The following PPP6R1 variants were observed in gnomAD, a reference collection of about 807,000 sequenced individuals.
PPP6R1 encodes the protein protein phosphatase 6 regulatory subunit 1, also known as serine/threonine-protein phosphatase 6 regulatory subunit 1.
In PPP6R1, 39 loss-of-function variants were observed where a neutral mutation model predicts 104.6. The ratio of observed to expected loss-of-function variants is 0.37; its 90% CI spans 0.29 to 0.49. PPP6R1 has a LOEUF of 0.49. Ranked by LOEUF, PPP6R1 falls within the 20% of genes least tolerant of loss-of-function variation. The pLI, the probability that PPP6R1 is intolerant of heterozygous loss-of-function variation, is 0.98. For synonymous variants in PPP6R1, 549 were observed against 479.0 expected (o/e 1.15, Z -1.91); for missense variants, 1,181 against 1,155.8 (o/e 1.02, Z -0.32).
intron 21 of PPP6R1, 48 bp from the exon 22 acceptor site, chr19:55,230,932 C>G: frequency 7.0e-7 from 1 of 1,431,770 alleles, no homozygotes; most frequent in East Asian, 2.3e-5. Flanking sequence ...CCCACCGTCA[C>G]CTGCTGACAC....
chr19:55,248,572 T>C (rs1018795734), intron 1 of PPP6R1, among the ~76,000 whole-genome samples: 2 of 152,334 alleles, frequency 1.3e-5, no homozygotes, highest in East Asian at 3.9e-4. Context: ...GCACAGATGC[T>C]AGTCCCTCTC....
At chr19:55,228,783 T>A (rs368471055), downstream of PPP6R1, 2 of 1,604,908 alleles carry the variant, frequency 1.2e-6, no homozygotes, top group Non-Finnish European at 1.7e-6. Flanking sequence ...TGGGAGCGAG[T>A]GGCTTCAGGG....
At chr19:55,236,533 G>C in intron 17 of PPP6R1, 110 bp downstream of exon 17, 1 of 1,233,058 alleles carries the variant, frequency 8.1e-7, no homozygotes, top group South Asian at 1.7e-5. Flanking sequence ...ACCAATGCAG[G>C]TTCCTTATTT....
chr19:55,258,257 G>A (rs900339137), intron 1 of PPP6R1, among the ~76,000 whole-genome samples, 178 bp downstream of exon 1: 2 of 152,178 alleles, frequency 1.3e-5, no homozygotes, highest in Non-Finnish European at 2.9e-5. Flanking sequence ...ACTGGGGAGG[G>A]TCGAGGGGGA....
Position 55,246,979 on chromosome 19 carries a change from C to T in PPP6R1, c.125G>A (p.Arg42His), listed in dbSNP as rs767132448. The change falls in exon 2 of 24, where the codon CGC (arginine) becomes CAC (histidine). Residue 42 changes from arginine (R) to histidine (H), a missense_variant. By Grantham distance (29) the Arg-to-His change is conservative. Around this residue, in one of 2 missense-constraint regions of PPP6R1, gnomAD observed 139 missense variants for 200.1 expected, o/e 0.69. Transcript: ENST00000412770. ...DVLQECKVVN[R>H]KLLDFLLQPP... is the part of the protein sequence containing the mutation. ...CTGCAGCAGGAAGTCCAGCAGCTTGCGGTTGACGACCTTGCACTCCTGCAG... is the reference window on the plus strand; with the variant it reads ...CTGCAGCAGGAAGTCCAGCAGCTTGTGGTTGACGACCTTGCACTCCTGCAG... 26 of 1,613,740 alleles carry T rather than the reference C, an allele frequency of 1.6e-5. No homozygotes were observed. The highest frequency in any genetic ancestry group is 1.6e-4 in the Middle Eastern group (1 of 6,080).
Position 55,230,345 on chromosome 19 carries a change from A to T in PPP6R1, c.*183T>A. Reference sequence around the variant, plus strand: ...GCAACGCTCCAAAACTTCTCTTCTCAGTGCAAATGGGGGTGGGTTGGGCCT... The same window carrying T: ...GCAACGCTCCAAAACTTCTCTTCTCTGTGCAAATGGGGGTGGGTTGGGCCT... On this transcript the variant is annotated 3_prime_UTR_variant, in exon 24 of 24. Coordinates refer to ENST00000412770, the MANE Select transcript of PPP6R1 (RefSeq NM_014931.4). 6.6e-6 allele frequency: 5 copies of T among 761,482 alleles called. No homozygotes were observed. Among genetic ancestry groups the T allele is most frequent in the Non-Finnish European group, 1.0e-5 (5 of 476,738 alleles). 47.2% of individuals were successfully genotyped at this position (761,482 alleles called of 1,614,324 possible).
rs1568953888 is a variant in PPP6R1 at position 55,258,872 on chromosome 19, A to G, written c.-444T>C. 6.6e-6 allele frequency: 1 copy of G among 152,158 alleles called. No individual in the cohort carries two copies. Among genetic ancestry groups the G allele is most frequent in the Non-Finnish European group, 1.5e-5 (1 of 68,046 alleles). The allele number at this position is 152,158 out of a possible 1,614,324, so 9.4% of individuals were successfully genotyped here. ...GGAAGGCGACCTCCTCCGCGGTCCA[A>G]ACGGGCCGCAGAGCCGAGCAGCGAC... On this transcript the variant is annotated 5_prime_UTR_variant, in exon 1 of 24. Coordinates refer to ENST00000412770, the MANE Select transcript of PPP6R1 (RefSeq NM_014931.4).
intron 21 of PPP6R1, 122 bp downstream of exon 21, chr19:55,231,288 C>T (rs543380241): frequency 1.0e-4 from 119 of 1,190,576 alleles, no homozygotes; most frequent in African/African-American, 5.9e-4. Context: ...CATGAGGCTG[C>T]GCCTGGGGGT....
intron 1 of PPP6R1, among the ~76,000 whole-genome samples, chr19:55,255,043 C>T (rs1366756785): frequency 6.6e-6 from 1 of 152,182 alleles, no homozygotes; most frequent in Non-Finnish European, 1.5e-5. Flanking sequence ...CGGCCCAAGG[C>T]CCAACAAGAT....
intron 5 of PPP6R1, among the ~76,000 whole-genome samples, chr19:55,244,707 C>G (rs2087490832): frequency 6.6e-6 from 1 of 152,142 alleles, no homozygotes; most frequent in Admixed American, 6.5e-5. Flanking sequence ...ATGGATACAC[C>G]TGGTTCTCAA....
Position 55,254,258 on chromosome 19 carries a change from C to T in PPP6R1, c.-7+4177G>A, listed in dbSNP as rs116761740. Among the ~76,000 whole-genome samples the T allele has an allele frequency of 3.7e-3, 571 of 152,314 alleles. 4 individuals are homozygous for T. The highest frequency in any genetic ancestry group is 0.012 in the African/African-American group (515 of 41,574). ...GTGACTACCACTAGTTTTTAGCTACCGTTTGAAAACCATGAGTCTGGCTGC... is the reference window on the plus strand; with the variant it reads ...GTGACTACCACTAGTTTTTAGCTACTGTTTGAAAACCATGAGTCTGGCTGC... On this transcript the variant is annotated intron_variant, in intron 1 of 23. Coordinates refer to ENST00000412770, the MANE Select transcript of PPP6R1 (RefSeq NM_014931.4).
At chr19:55,242,659 G>C in intron 5 of PPP6R1, 171 bp from the exon 6 acceptor site, 2 of 627,164 alleles carry the variant, frequency 3.2e-6, no homozygotes, top group African/African-American at 1.8e-5. Context: ...CTGGAGGGAA[G>C]ATGGTGGAGA....
rs777385684 is a variant in PPP6R1, at chr19:55,245,562, C to T, written c.344G>A (p.Ser115Asn). The change falls in exon 3 of 24, where the codon AGC becomes AAC. Residue 115 changes from serine (S) to asparagine (N), a missense_variant. By Grantham distance (46) the Ser-to-Asn change is conservative (BLOSUM62 1). This residue lies in a region of PPP6R1 where 139 missense variants were observed against 200.1 expected (regional missense o/e 0.69). Coordinates refer to ENST00000412770, the MANE Select transcript of PPP6R1 (RefSeq NM_014931.4). This position sits in a 1 kb window ranked among gnomAD's most constrained non-coding sequence, Gnocchi z 6.4. ...GAAGCTGGCCAGCAGTGGGTTGAGG[C>T]TGCCGGTGCTCTGCAGGAAGCCGTA... ...RLYGFLQSTG[S>N]LNPLLASFFS... The T allele has an allele frequency of 1.2e-6, 2 of 1,612,022 alleles. No individual in the cohort carries two copies. Among genetic ancestry groups the T allele is most frequent in the Admixed American group, 1.7e-5 (1 of 59,770 alleles).
At chr19:55,247,138 G>T in intron 1 of PPP6R1, 29 bp from the exon 2 acceptor site, 1 of 1,600,684 alleles carries the variant, frequency 6.2e-7, no homozygotes, top group Non-Finnish European at 8.5e-7. Flanking sequence ...CCAGCGCCGC[G>T]TCAGACGCCC....
At position 55,231,967 on chromosome 19, in the gene PPP6R1, G is replaced by A. The variant is rs766625697; in HGVS notation, c.2141C>T (p.Ala714Val). ...ATCTGTAGGCACTGGGTCAAAGGTG[G>A]CTGTCCAGCTGGGGCCTGGGATAGA... ...GPQPPGPSWT[A>V]TFDPVPTDAP... Residue 714 changes from alanine (A) to valine (V), a missense_variant, in exon 19 of 24, where the codon GCC becomes GTC. By Grantham distance (64) the Ala-to-Val change is moderately conservative (BLOSUM62 0). Coordinates refer to ENST00000412770, the MANE Select transcript of PPP6R1 (RefSeq NM_014931.4). 5 of 1,597,592 alleles carry A rather than the reference G, an allele frequency of 3.1e-6. No individual in the cohort carries two copies. Among genetic ancestry groups the A allele is most frequent in the South Asian group, 1.1e-5 (1 of 89,682 alleles).
chr19:55,249,139 C>T (rs1340885153), intron 1 of PPP6R1, among the ~76,000 whole-genome samples: 1 of 152,184 alleles, frequency 6.6e-6, no homozygotes, highest in Non-Finnish European at 1.5e-5. Context: ...GGGGAGATAG[C>T]AGCAGCCTCC....
intron 19 of PPP6R1, 39 bp from the exon 20 acceptor site, chr19:55,231,707 G>A: frequency 6.5e-7 from 1 of 1,548,350 alleles, no homozygotes; most frequent in Non-Finnish European, 8.7e-7. Flanking sequence ...GGCAGCTAGG[G>A]TTAGCACTCG....
At position 55,240,305 on chromosome 19, in the gene PPP6R1, G is replaced by A. The variant is rs754180979; in HGVS notation, c.1297-5C>T. 1.6e-5 allele frequency: 26 copies of A among 1,586,116 alleles called. No homozygotes were observed. The highest frequency in any genetic ancestry group is 1.7e-4 in the Middle Eastern group (1 of 6,050). ...CAGGCGGCACTGCTGCAGCAGCTGCGGGAGAGCGGGACAGGATGGCCTGGA... is the reference window on the plus strand; with the variant it reads ...CAGGCGGCACTGCTGCAGCAGCTGCAGGAGAGCGGGACAGGATGGCCTGGA... On this transcript the variant is annotated splice_polypyrimidine_tract_variant and splice_region_variant and intron_variant, in intron 10 of 23. Transcript: ENST00000412770.
chr19:55,243,730 G>A (rs975869549), intron 5 of PPP6R1, among the ~76,000 whole-genome samples: 5 of 152,146 alleles, frequency 3.3e-5, no homozygotes, highest in Non-Finnish European at 5.9e-5. Flanking sequence ...ACAGCTCACT[G>A]CAGCCCTGAA....
Sources: allele counts gnomAD v4.1 joint callset (sites outside exome capture counted in the v4.1 genomes callset), GRCh38; gene constraint gnomAD v4.1.1; regional missense constraint gnomAD v4.1.1; non-coding constraint Gnocchi (gnomAD v3.1); transcripts MANE v1.5; gene names NCBI Gene and HGNC (gene_info 2026-07-23, HGNC 2026-07-21).